Variants in UBQLN1 observed in about 807,000 individuals in gnomAD.
UBQLN1 encodes the protein ubiquilin-1.
UBQLN1 carries 13 observed loss-of-function variants against 65.4 expected under a neutral mutation model. The ratio of observed to expected loss-of-function variants is 0.20; its 90% confidence interval spans 0.13 to 0.32. UBQLN1 has a LOEUF of 0.32. UBQLN1 is among the 10% of genes least tolerant of loss of function. The pLI is 1.00. For missense variants in UBQLN1, 561 were observed against 724.0 expected (o/e 0.77, Z 2.58); for synonymous variants, 267 against 247.8 (o/e 1.08, Z -0.73).
At chr9:83,675,068 G>A (rs1055068483) in intron 6 of UBQLN1, among the ~76,000 whole-genome samples, 4 of 152,158 alleles carry the variant, frequency 2.6e-5, no homozygotes, top group Non-Finnish European at 4.4e-5. Context: ...ACTGAACCAG[G>A]AGTATCAATG....
chr9:83,679,651 A>C, intron 4 of UBQLN1, 124 bp downstream of exon 4: 1 of 1,082,638 alleles, frequency 9.2e-7, no homozygotes, highest in Non-Finnish European at 1.3e-6. Context: ...GTTTTCTTAA[A>C]CCAAGATAAG....
Position 83,683,135 on chromosome 9 carries a change from A to G in UBQLN1, c.333-69T>C, listed in dbSNP as rs1463771308. On this transcript the variant is annotated intron_variant, in intron 2 of 10. Transcript: ENST00000376395. Reference sequence around the variant, plus strand: ...ATTTTTAAAAGAACCACCAAAGGCCAGGCACAGTGGCTCACGCCTGTAATC... The same window carrying G: ...ATTTTTAAAAGAACCACCAAAGGCCGGGCACAGTGGCTCACGCCTGTAATC... The G allele has an allele frequency of 4.4e-6, 5 of 1,144,032 alleles. No individual in the cohort carries two copies. In the South Asian group the frequency reaches 6.6e-5, roughly 15 times the overall value. 70.9% of individuals were successfully genotyped at this position (1,144,032 alleles called of 1,614,324 possible). A position where few individuals can be genotyped will look rare whatever the true frequency, so the allele number is the denominator to read the frequency against.
intron 6 of UBQLN1, among the ~76,000 whole-genome samples, chr9:83,675,629 C>T (rs1305175857): frequency 6.6e-6 from 1 of 152,218 alleles, no homozygotes; most frequent in Non-Finnish European, 1.5e-5. Context: ...GGAGCTACTA[C>T]CTTTCACTTT....
rs548135406 is a variant in UBQLN1 at position 83,665,416 on chromosome 9, T to C, written c.1333-271A>G. 1.8e-5 allele frequency: 6 copies of C among 326,112 alleles called. No homozygotes were observed. In the South Asian group the frequency reaches 5.4e-4, roughly 29 times the overall value. The allele number at this position is 326,112 out of a possible 1,614,324, so 20.2% of individuals were successfully genotyped here. ...CAGGAGCTACTTTGGAAGCCACAAC[T>C]ATTCCCCTTCTCCAACAGAAGATAA... On this transcript the variant is annotated intron_variant, in intron 8 of 10. Transcript: ENST00000376395.
intron 6 of UBQLN1, among the ~76,000 whole-genome samples, chr9:83,671,883 A>G (rs975802722): frequency 6.6e-6 from 1 of 152,232 alleles, no homozygotes; most frequent in Non-Finnish European, 1.5e-5. Context: ...TCTTCTTCCA[A>G]TAGAAGGCTG....
At chr9:83,663,443 G>C (rs1831594819) in intron 10 of UBQLN1, among the ~76,000 whole-genome samples, 1 of 152,166 alleles carries the variant, frequency 6.6e-6, no homozygotes, top group Admixed American at 6.5e-5. Flanking sequence ...GGTGTCATGG[G>C]TGGAGTTAAG....
rs144994449 is a variant in UBQLN1, at chr9:83,671,878, T to C, written c.1106-2551A>G. On this transcript the variant is annotated intron_variant, in intron 6 of 10. Coordinates refer to ENST00000376395, the MANE Select transcript of UBQLN1 (RefSeq NM_013438.5). ...AATGAAAATTCTAGATGATATCTTCTTCCAATAGAAGGCTGTTTTTCACCT... is the reference window on the plus strand; with the variant it reads ...AATGAAAATTCTAGATGATATCTTCCTCCAATAGAAGGCTGTTTTTCACCT... 4.0e-4 allele frequency among the ~76,000 whole-genome samples: 61 copies of C among 152,330 alleles called. No homozygotes were observed. The East Asian group carries it at 0.012, about 29-fold the overall frequency.
intron 2 of UBQLN1, among the ~76,000 whole-genome samples, chr9:83,684,766 C>T (rs1832010601): frequency 6.7e-6 from 1 of 148,572 alleles, no homozygotes; most frequent in Non-Finnish European, 1.5e-5. Flanking sequence ...GCTGAGATCG[C>T]ACCGTTGCAC....
chr9:83,705,278 T>C (rs1832382203), intron 1 of UBQLN1, among the ~76,000 whole-genome samples: 1 of 122,568 alleles, frequency 8.2e-6, no homozygotes, highest in Non-Finnish European at 1.7e-5. Flanking sequence ...TTCACTCTTG[T>C]TGCCCAGGCT....
chr9:83,700,631 C>G (rs990180442), intron 1 of UBQLN1, among the ~76,000 whole-genome samples: 16 of 152,134 alleles, frequency 1.1e-4, no homozygotes, highest in Non-Finnish European at 1.5e-5. Context: ...GAGAAACTGA[C>G]CTTTGCATTA....
chr9:83,683,268 C>T (rs1449622585), intron 2 of UBQLN1, among the ~76,000 whole-genome samples: 2 of 151,982 alleles, frequency 1.3e-5, no homozygotes, highest in African/African-American at 4.8e-5. Flanking sequence ...AAAAATTAGC[C>T]GGGCGTGATG....
At chr9:83,667,648 T>C in intron 7 of UBQLN1, 3 of 985,406 alleles carry the variant, frequency 3.0e-6, no homozygotes, top group Non-Finnish European at 2.4e-6. Flanking sequence ...TTATCACACA[T>C]ATCTTTTGGA....
At chr9:83,669,375 C>T in intron 6 of UBQLN1, 48 bp from the exon 7 acceptor site, 1 of 1,521,564 alleles carries the variant, frequency 6.6e-7, no homozygotes, top group South Asian at 1.3e-5. Context: ...AATACTTAAA[C>T]AAAAGTTAAA....
rs950330416 is a variant in UBQLN1, at chr9:83,661,627, A to G, written c.*160T>C. On this transcript the variant is annotated 3_prime_UTR_variant, in exon 11 of 11. Coordinates refer to ENST00000376395, the MANE Select transcript of UBQLN1 (RefSeq NM_013438.5). ...TTCCAGAAAAGAAAAATACAGAAAA[A>G]CCCACACATCTTACTGTACTCCACC... The G allele has an allele frequency of 1.2e-5, 8 of 659,204 alleles. No homozygotes were observed. Among genetic ancestry groups the G allele is most frequent in the African/African-American group, 1.1e-4 (6 of 54,470 alleles). 40.8% of individuals were successfully genotyped at this position (659,204 alleles called of 1,614,324 possible).
In UBQLN1 at chr9:83,707,814, C is replaced by T; in HGVS notation, c.-135G>A. ...AGCACGCCGCCTCAGTAGCAACGGGCGCAGGGCCACCGTAGCGGGTGTGGG... is the reference window on the plus strand; with the variant it reads ...AGCACGCCGCCTCAGTAGCAACGGGTGCAGGGCCACCGTAGCGGGTGTGGG... On this transcript the variant is annotated 5_prime_UTR_variant, in exon 1 of 11. Coordinates refer to ENST00000376395, the MANE Select transcript of UBQLN1 (RefSeq NM_013438.5). The T allele has an allele frequency of 7.6e-7, 1 of 1,311,568 alleles. No homozygotes were observed. Among genetic ancestry groups the T allele is most frequent in the South Asian group, 1.6e-5 (1 of 62,706 alleles). 81.2% of individuals were successfully genotyped at this position (1,311,568 alleles called of 1,614,324 possible).
At chr9:83,679,522 T>C (rs1284141171) in intron 4 of UBQLN1, among the ~76,000 whole-genome samples, 1 of 152,232 alleles carries the variant, frequency 6.6e-6, no homozygotes, top group Non-Finnish European at 1.5e-5. Flanking sequence ...TATGAGTGAA[T>C]TTCCCATCTC....
At chr9:83,681,163 G>C (rs1213439377) in intron 3 of UBQLN1, among the ~76,000 whole-genome samples, 1 of 152,208 alleles carries the variant, frequency 6.6e-6, no homozygotes, top group African/African-American at 2.4e-5. Context: ...AGGAGACAGA[G>C]AGCCAGGGAA....
chr9:83,663,262 T>G (rs967424825), intron 10 of UBQLN1, among the ~76,000 whole-genome samples: 5 of 152,106 alleles, frequency 3.3e-5, no homozygotes, highest in African/African-American at 1.2e-4. Flanking sequence ...TTAAGAAGTT[T>G]GGGGACAACC....
chr9:83,679,348 T>C (rs1564165184), intron 4 of UBQLN1, among the ~76,000 whole-genome samples: 1 of 152,252 alleles, frequency 6.6e-6, no homozygotes, highest in Non-Finnish European at 1.5e-5. Flanking sequence ...AATGAGGTGT[T>C]GTCTGATTCT....
Sources: gnomAD v4.1 joint callset for allele counts (sites outside exome capture counted in the v4.1 genomes callset) on GRCh38, gnomAD v4.1.1 for gene constraint, MANE v1.5 for transcripts, NCBI Gene and HGNC (gene_info 2026-07-23, HGNC 2026-07-21) for gene names.